SV2C: variants seen among roughly 807,000 people sequenced by gnomAD.
SV2C encodes solute carrier family 22 member B3.
In SV2C, 49 loss-of-function variants were observed where a neutral mutation model predicts 79.7. That is an observed-to-expected ratio of 0.61 (90% CI 0.49 to 0.78). The LOEUF is 0.78. Among genes scored for constraint, SV2C ranks in the 30% least tolerant of loss-of-function variants. The pLI is 0.00. For synonymous variants in SV2C, 334 were observed against 333.2 expected (o/e 1.00, Z -0.03); for missense variants, 833 against 912.9 (o/e 0.91, Z 1.13).
chr5:76,013,340 T>C, the SV2C span, among the ~76,000 whole-genome samples: 2 of 152,198 alleles, frequency 1.3e-5, no homozygotes, highest in African/African-American at 2.4e-5. Flanking sequence ...TAGGTTGTAT[T>C]CCTAGGTATT....
the SV2C span, among the ~76,000 whole-genome samples, chr5:75,900,950 A>G: frequency 6.6e-6 from 1 of 152,030 alleles, no homozygotes; most frequent in African/African-American, 2.4e-5. Context: ...TCATTTAAGC[A>G]CTTTTCTGTA....
At chr5:75,973,953 G>T in the SV2C span, among the ~76,000 whole-genome samples, 1 of 151,912 alleles carries the variant, frequency 6.6e-6, no homozygotes, top group Non-Finnish European at 1.5e-5. Context: ...TTTTGTTAAA[G>T]ATGGGAATAT....
intron 4 of SV2C, among the ~76,000 whole-genome samples, chr5:76,219,411 A>G (rs778847833): frequency 9.9e-5 from 15 of 152,238 alleles, no homozygotes; most frequent in Non-Finnish European, 2.1e-4. Context: ...TCAAATAAAC[A>G]TTGATGATAT....
At position 76,300,812 on chromosome 5, in the gene SV2C, G is replaced by T; in HGVS notation, c.1720G>T (p.Asp574Tyr). The T allele has an allele frequency of 6.2e-7, 1 of 1,614,168 alleles. No homozygotes were observed. The highest frequency in any genetic ancestry group is 1.1e-5 in the South Asian group (1 of 91,082). The change falls in exon 11 of 13, where the codon GAT becomes TAT. Residue 574 changes from aspartate to tyrosine, a missense_variant. Asp to Tyr is a radical substitution (Grantham distance 160). Transcript: ENST00000502798. Reference sequence around the variant, plus strand: ...CAAGACGGGATGTCAGATTACCTTTGATGATGACTATAGTGCCTACTGGAT... The same window carrying T: ...CAAGACGGGATGTCAGATTACCTTTTATGATGACTATAGTGCCTACTGGAT... ...HNKTGCQITF[D>Y]DDYSAYWIYF...
chr5:75,957,923 G>A, the SV2C span, among the ~76,000 whole-genome samples: 2 of 151,926 alleles, frequency 1.3e-5, no homozygotes, highest in African/African-American at 2.4e-5. Context: ...TTGGATACAG[G>A]ACATACCTCC....
the SV2C span, chr5:75,911,007 C>G: frequency 4.0e-3 from 4,095 of 1,028,500 alleles, 70 homozygotes; most frequent in African/African-American, 0.05. Context: ...CTTACCTCAC[C>G]TACTAGTCCC....
At chr5:76,153,592 C>G (rs77253922) in intron 2 of SV2C, among the ~76,000 whole-genome samples, 189 of 152,284 alleles carry the variant, frequency 1.2e-3, no homozygotes, top group African/African-American at 4.3e-3. Context: ...GAGAGGGACA[C>G]AGACATATAA....
intron 1 of SV2C, among the ~76,000 whole-genome samples, chr5:76,113,458 T>C (rs1748160690): frequency 6.6e-6 from 1 of 152,214 alleles, no homozygotes; most frequent in African/African-American, 2.4e-5. Context: ...GTCTTGGCTA[T>C]GAAGAATATG....
chr5:76,035,433 G>A, the SV2C span, among the ~76,000 whole-genome samples: 1 of 152,042 alleles, frequency 6.6e-6, no homozygotes, highest in Non-Finnish European at 1.5e-5. Context: ...GTGTCCAAGA[G>A]ATTCTGGTAT....
intron 4 of SV2C, among the ~76,000 whole-genome samples, chr5:76,277,766 A>C (rs983719655): frequency 3.3e-5 from 5 of 152,126 alleles, no homozygotes; most frequent in African/African-American, 4.8e-5. Context: ...AAAAAAAAAA[A>C]AAACAGATTC....
intron 2 of SV2C, among the ~76,000 whole-genome samples, chr5:76,169,210 C>T (rs1350134363): frequency 6.6e-6 from 1 of 152,116 alleles, no homozygotes; most frequent in Non-Finnish European, 1.5e-5. Flanking sequence ...TGCAGGAGCC[C>T]AGGATGGTCA....
At chr5:76,063,313 C>A in the SV2C span, among the ~76,000 whole-genome samples, 9 of 152,050 alleles carry the variant, frequency 5.9e-5, no homozygotes, top group Non-Finnish European at 1.0e-4. Context: ...ATTTTCCTTG[C>A]GGCAAATACG....
At chr5:76,113,430 G>T (rs1748159625) in intron 1 of SV2C, among the ~76,000 whole-genome samples, 1 of 152,196 alleles carries the variant, frequency 6.6e-6, no homozygotes, top group African/African-American at 2.4e-5. Context: ...ATGAGTAAAT[G>T]AATGAATGTC....
intron 1 of SV2C, among the ~76,000 whole-genome samples, chr5:76,117,976 A>G (rs1222500261): frequency 1.3e-5 from 2 of 152,384 alleles, no homozygotes; most frequent in African/African-American, 4.8e-5. Context: ...CAAAGAGTTT[A>G]TATCCTTCCT....
At chr5:75,862,902 G>A in the SV2C span, among the ~76,000 whole-genome samples, 8 of 152,324 alleles carry the variant, frequency 5.3e-5, no homozygotes, top group African/African-American at 1.2e-4. Flanking sequence ...CATGCTGTGC[G>A]ATGGTGGTAC....
intron 12 of SV2C, among the ~76,000 whole-genome samples, chr5:76,317,433 A>AC (rs200876211): frequency 0.014 from 2,061 of 146,870 alleles, 20 homozygotes; most frequent in African/African-American, 0.027. Flanking sequence ...AAAAAGAACC[A>AC]CCCCCCCCAA....
chr5:76,282,484 C>T (rs989617219), intron 4 of SV2C, among the ~76,000 whole-genome samples: 4 of 152,182 alleles, frequency 2.6e-5, no homozygotes, highest in Admixed American at 2.0e-4. Flanking sequence ...GGGCCCTTCT[C>T]GACTAGGCTC....
the SV2C span, among the ~76,000 whole-genome samples, chr5:75,883,713 G>A: frequency 2.7e-5 from 4 of 148,784 alleles, 1 homozygote; most frequent in African/African-American, 7.5e-5. Context: ...GGGAGGGATA[G>A]CATTGGGAGA....
chr5:76,138,033 G>A (rs866193634), intron 2 of SV2C, among the ~76,000 whole-genome samples: 2 of 152,238 alleles, frequency 1.3e-5, no homozygotes, highest in South Asian at 4.1e-4. Flanking sequence ...GTGGTGTTAT[G>A]AAGTAGCCAG....
Sources: gnomAD v4.1 joint callset for allele counts (sites outside exome capture counted in the v4.1 genomes callset) on GRCh38, gnomAD v4.1.1 for gene constraint, MANE v1.5 for transcripts, NCBI Gene and HGNC (gene_info 2026-07-23, HGNC 2026-07-21) for gene names.